WFDC10B: variants seen among roughly 807,000 people sequenced by gnomAD.
WFDC10B encodes WAP four-disulfide core domain 10B, also known as protein WFDC10B.
A neutral mutation model predicts 2.7 loss-of-function variants in WFDC10B; 1 was observed. That is an observed-to-expected ratio of 0.38 (90% CI 0.13 to 1.79). The LOEUF (loss-of-function observed/expected upper bound fraction) is 1.79. Ranked by LOEUF, WFDC10B falls within the 40% of genes most tolerant of loss-of-function variation. WFDC10B has a pLI of 0.33. For synonymous variants in WFDC10B, 26 were observed against 32.2 expected (o/e 0.81, Z 0.65); for missense variants, 71 against 87.8 (o/e 0.81, Z 0.76).
chr20:45,698,818 T>C (rs1186725192), intron 2 of WFDC10B, among the ~76,000 whole-genome samples: 2 of 151,080 alleles, frequency 1.3e-5, no homozygotes, highest in Non-Finnish European at 2.9e-5. Context: ...AATACAAAAA[T>C]TTGTCAGGTG....
rs143620208 is a variant in WFDC10B, at chr20:45,697,070, A to T, written c.-65+7427T>A. Among the ~76,000 whole-genome samples, 34 of 152,322 alleles carry T rather than the reference A, an allele frequency of 2.2e-4. No homozygotes were observed. In the East Asian group the frequency reaches 6.0e-3, roughly 27 times the overall value. On this transcript the variant is annotated intron_variant, in intron 2 of 3. Coordinates refer to ENST00000330523, the MANE Select transcript of WFDC10B (RefSeq NM_172006.2). ...TCCCAAGATCAGAAATAAGACAAGGATGCATCTTTCACCACTGCTAGTCAA... is the reference window on the plus strand; with the variant it reads ...TCCCAAGATCAGAAATAAGACAAGGTTGCATCTTTCACCACTGCTAGTCAA...
chr20:45,687,246 G>A lies in WFDC10B; in HGVS notation c.-64-1190C>T, dbSNP rs1334227896. On this transcript the variant is annotated intron_variant, in intron 2 of 3. Coordinates refer to ENST00000330523, the MANE Select transcript of WFDC10B (RefSeq NM_172006.2). The stretch of plus-strand genomic sequence containing the variant: ...TCCCACTTATAAGGGAGAACATGGG[G>A]TGTTTGAACATGGGGTGTTTGGTTT... Among the ~76,000 whole-genome samples the A allele has an allele frequency of 3.4e-5, 5 of 148,168 alleles. No individual in the cohort carries two copies. In the East Asian group the frequency reaches 9.7e-4, roughly 29 times the overall value.
At chr20:45,688,711 T>C (rs187003347) in intron 2 of WFDC10B, among the ~76,000 whole-genome samples, 1 of 152,304 alleles carries the variant, frequency 6.6e-6, no homozygotes, top group East Asian at 1.9e-4. Context: ...CTTGTAAATT[T>C]GTTAGAGTTC....
chr20:45,689,815 T>A (rs1600955127), intron 2 of WFDC10B, among the ~76,000 whole-genome samples: 2 of 152,360 alleles, frequency 1.3e-5, no homozygotes, highest in East Asian at 3.9e-4. Context: ...CCTCTTTTCC[T>A]AATTGAATAC....
intron 2 of WFDC10B, among the ~76,000 whole-genome samples, chr20:45,703,858 C>T (rs891274608): frequency 3.3e-5 from 5 of 152,070 alleles, no homozygotes; most frequent in African/African-American, 1.2e-4. Flanking sequence ...TTCTGAAATC[C>T]CCACCCTTCT....
chr20:45,685,606 C>A (rs138336968), intron 3 of WFDC10B, among the ~76,000 whole-genome samples: 2 of 152,196 alleles, frequency 1.3e-5, no homozygotes, highest in African/African-American at 2.4e-5. Context: ...GTCTTGCTTT[C>A]CCATTGGATT....
intron 2 of WFDC10B, chr20:45,702,148 T>C (rs1287774176): frequency 1.2e-6 from 2 of 1,613,448 alleles, no homozygotes; most frequent in South Asian, 2.2e-5. Flanking sequence ...GCCTCTCCAG[T>C]TCCTGGTGGT....
intron 2 of WFDC10B, among the ~76,000 whole-genome samples, chr20:45,689,226 C>A (rs1459559302): frequency 6.6e-6 from 1 of 151,546 alleles, no homozygotes; most frequent in Non-Finnish European, 1.5e-5. Context: ...CAGTACCATG[C>A]TGTTTTGGTT....
chr20:45,685,373 C>T (rs1386683244), intron 3 of WFDC10B, among the ~76,000 whole-genome samples: 3 of 151,858 alleles, frequency 2.0e-5, no homozygotes. Context: ...GCCTCTCATC[C>T]CTCCTTCTCC....
chr20:45,702,760 A>G (rs1237409295), intron 2 of WFDC10B, among the ~76,000 whole-genome samples: 1 of 152,246 alleles, frequency 6.6e-6, no homozygotes, highest in Non-Finnish European at 1.5e-5. Context: ...GGGACAGTGT[A>G]GAGTCCATCT....
intron 2 of WFDC10B, among the ~76,000 whole-genome samples, chr20:45,693,878 C>T (rs77776965): frequency 3.0e-4 from 45 of 152,316 alleles, no homozygotes; most frequent in East Asian, 5.8e-4. Context: ...GAGATGAACC[C>T]GGTACCTCAG....
chr20:45,700,465 C>T (rs985136250), intron 2 of WFDC10B, among the ~76,000 whole-genome samples: 3 of 152,094 alleles, frequency 2.0e-5, no homozygotes, highest in Admixed American at 2.0e-4. Flanking sequence ...AAATAGCAAA[C>T]TAAACCAAAC....
At chr20:45,698,573 G>C (rs1458166260) in intron 2 of WFDC10B, among the ~76,000 whole-genome samples, 1 of 126,830 alleles carries the variant, frequency 7.9e-6, no homozygotes, top group Non-Finnish European at 1.7e-5. Context: ...TATGACTCAA[G>C]AAGAAAAAAA....
Position 45,684,877 on chromosome 20 carries a change from T to C in WFDC10B, c.175A>G (p.Ile59Val). ...TTCCCACAGAAGGCTGAACAGCATA[T>C]CTTATTTGTTTCACACTTTTGGAAA... is the stretch of plus-strand genomic sequence containing the variant. The part of the protein sequence containing the change: ...SYFQKCETNK[I>V]CCSAFCGNIC... The change falls in exon 4 of 4, where the codon ATA (isoleucine) becomes GTA (valine). Residue 59 changes from isoleucine to valine, a missense_variant. By Grantham distance (29) the Ile-to-Val change is conservative. Transcript: ENST00000330523. The C allele has an allele frequency of 1.2e-6, 2 of 1,614,000 alleles. No homozygotes were observed. Among genetic ancestry groups the C allele is most frequent in the Non-Finnish European group, 1.7e-6 (2 of 1,179,954 alleles).
In WFDC10B at chr20:45,687,375, G is replaced by A. The variant is rs185565632; in HGVS notation, c.-64-1319C>T. On this transcript the variant is annotated intron_variant, in intron 2 of 3. Transcript: ENST00000330523. ...TTTTTATGCCACATAGTATTCCATG[G>A]TGTATATGTACCATATTTTCTTTAT... 2.8e-3 allele frequency among the ~76,000 whole-genome samples: 427 copies of A among 152,214 alleles called. 10 individuals carry two copies. Among genetic ancestry groups the A allele is most frequent in the Admixed American group, 0.026 (400 of 15,286 alleles).
intron 2 of WFDC10B, among the ~76,000 whole-genome samples, chr20:45,693,927 C>T (rs374116393): frequency 5.5e-4 from 83 of 152,258 alleles, no homozygotes; most frequent in African/African-American, 1.6e-3. Context: ...TCATCGCTCA[C>T]GCTAGGAGCT....
At position 45,684,739 on chromosome 20, in the gene WFDC10B, ATGATT is replaced by A; in HGVS notation, c.*86_*90del. 6.5e-7 allele frequency: 1 copy of A among 1,535,168 alleles called. No individual in the cohort carries two copies. The highest frequency in any genetic ancestry group is 1.4e-5 in the African/African-American group (1 of 73,128). ...CATTCCTGTTGATGTTCTTGTGCTG[ATGATT>A]TGATGTCCTTGTGCTTCGGATGTGG... On this transcript the variant is annotated 3_prime_UTR_variant, in exon 4 of 4. Coordinates refer to ENST00000330523, the MANE Select transcript of WFDC10B (RefSeq NM_172006.2).
At chr20:45,702,623 C>T (rs943183142) in intron 2 of WFDC10B, among the ~76,000 whole-genome samples, 4 of 152,202 alleles carry the variant, frequency 2.6e-5, no homozygotes, top group African/African-American at 7.2e-5. Context: ...TGGTAGAACT[C>T]AAGCTAGAAT....
At chr20:45,702,227 G>A (rs200911293) in intron 2 of WFDC10B, 2 of 1,607,068 alleles carry the variant, frequency 1.2e-6, no homozygotes, top group East Asian at 2.2e-5. Flanking sequence ...TGCTGGATCT[G>A]GGCCCAAGGA....
Sources: gnomAD v4.1 joint callset for allele counts (sites outside exome capture counted in the v4.1 genomes callset) on GRCh38, gnomAD v4.1.1 for gene constraint, MANE v1.5 for transcripts, NCBI Gene and HGNC (gene_info 2026-07-23, HGNC 2026-07-21) for gene names.